RSF1: variants seen among roughly 807,000 people sequenced by gnomAD.
RSF1 encodes the protein HBV pX-associated protein 8.
A neutral mutation model predicts 145.2 loss-of-function variants in RSF1; 13 were observed. The observed-to-expected ratio is 0.09, with a 90% CI of 0.06 to 0.14. The LOEUF (loss-of-function observed/expected upper bound fraction) is 0.14, where lower values mean the gene tolerates loss of function less well. Ranked by LOEUF, RSF1 falls within the 10% of genes least tolerant of loss-of-function variation. The probability of loss-of-function intolerance (pLI) is 1.00; values close to 1 mark genes in which losing one functional copy is unlikely to be tolerated. For missense variants in RSF1, 1,517 were observed against 1,718.2 expected (o/e 0.88, Z 2.07); for synonymous variants, 577 against 592.6 (o/e 0.97, Z 0.38).
chr11:77,818,166 TTTAC>T (rs1243171899), intron 1 of RSF1, among the ~76,000 whole-genome samples: 1 of 152,206 alleles, frequency 6.6e-6, no homozygotes, highest in Non-Finnish European at 1.5e-5. Context: ...ACCTGTCATT[TTTAC>T]TTACTTAGTG....
intron 4 of RSF1, among the ~76,000 whole-genome samples, chr11:77,736,836 G>A (rs1590858770): frequency 6.6e-6 from 1 of 152,146 alleles, no homozygotes; most frequent in East Asian, 1.9e-4. Context: ...AGATCTTAGA[G>A]CCATACTATT....
the RSF1 span, among the ~76,000 whole-genome samples, chr11:77,846,658 A>G: frequency 6.6e-6 from 1 of 152,186 alleles, no homozygotes; most frequent in Non-Finnish European, 1.5e-5. Context: ...GTGAGCCAAG[A>G]TTGCGCCATT....
At chr11:77,826,940 A>C in the RSF1 span, among the ~76,000 whole-genome samples, 4 of 152,142 alleles carry the variant, frequency 2.6e-5, no homozygotes, top group African/African-American at 4.8e-5. Flanking sequence ...CACCATCTCT[A>C]CTAAAAATAC....
chr11:77,851,699 T>G, the RSF1 span, among the ~76,000 whole-genome samples: 2 of 152,236 alleles, frequency 1.3e-5, no homozygotes, highest in East Asian at 3.9e-4. Context: ...TGCTCCTGCT[T>G]TCATCATATG....
intron 1 of RSF1, among the ~76,000 whole-genome samples, chr11:77,810,570 G>A (rs574344020): frequency 3.6e-4 from 55 of 151,868 alleles, no homozygotes; most frequent in Middle Eastern, 3.4e-3. Flanking sequence ...TTATTTTTTG[G>A]GGGGGAGATG....
At chr11:77,750,313 G>A (rs1948048657) in intron 2 of RSF1, among the ~76,000 whole-genome samples, 1 of 152,184 alleles carries the variant, frequency 6.6e-6, no homozygotes, top group African/African-American at 2.4e-5. Context: ...ATAGGCCATA[G>A]AGTCTCTCTT....
the RSF1 span, among the ~76,000 whole-genome samples, chr11:77,859,547 T>C: frequency 6.6e-6 from 1 of 152,240 alleles, no homozygotes; most frequent in Admixed American, 6.5e-5. Context: ...CTAATTCTAG[T>C]GCCCGAGTGA....
intron 1 of RSF1, among the ~76,000 whole-genome samples, chr11:77,814,456 G>T (rs1948762778): frequency 6.6e-6 from 1 of 151,548 alleles, no homozygotes; most frequent in South Asian, 2.1e-4. Context: ...CTCTGGGGGG[G>T]AAAAAAAAGG....
At chr11:77,692,296 G>C (rs1402607292) in intron 8 of RSF1, among the ~76,000 whole-genome samples, 2 of 80,952 alleles carry the variant, frequency 2.5e-5, no homozygotes, top group African/African-American at 7.1e-5. Flanking sequence ...CCAGGCTGGA[G>C]TGCAGTGGCG....
At chr11:77,678,615 T>C (rs1285549170) in intron 11 of RSF1, among the ~76,000 whole-genome samples, 1 of 152,174 alleles carries the variant, frequency 6.6e-6, no homozygotes, top group Non-Finnish European at 1.5e-5. Flanking sequence ...CTCAAGGTGA[T>C]GGTATTAGGA....
At chr11:77,859,861 T>A in the RSF1 span, among the ~76,000 whole-genome samples, 1 of 152,236 alleles carries the variant, frequency 6.6e-6, no homozygotes, top group Non-Finnish European at 1.5e-5. Context: ...CTTCAAGTAA[T>A]ACAGCCTGAT....
At chr11:77,821,407 C>T (rs1355274445), upstream of RSF1, among the ~76,000 whole-genome samples, 1 of 151,850 alleles carries the variant, frequency 6.6e-6, no homozygotes. Context: ...GGGCTGGGAC[C>T]TCGGTAAGAT....
At chr11:77,766,908 T>C (rs191798225) in intron 1 of RSF1, among the ~76,000 whole-genome samples, 1 of 152,310 alleles carries the variant, frequency 6.6e-6, no homozygotes, top group African/African-American at 2.4e-5. Flanking sequence ...ATCCAGAAGA[T>C]AGAAGTAGCC....
At chr11:77,814,208 A>AAAG (rs34426054) in intron 1 of RSF1, among the ~76,000 whole-genome samples, 123,599 of 148,040 alleles carry the variant, frequency 0.83, 51,944 homozygotes, top group African/African-American at 0.94. Context: ...AAAAAAAAAA[A>AAAG]AAGTTTTGGC....
the RSF1 span, chr11:77,869,875 T>C: frequency 6.6e-7 from 1 of 1,524,658 alleles, no homozygotes; most frequent in Non-Finnish European, 9.1e-7. Flanking sequence ...TGGGCCTTTG[T>C]CTTACAGACT....
upstream of RSF1, among the ~76,000 whole-genome samples, chr11:77,825,172 C>A (rs1011986409): frequency 6.6e-6 from 1 of 151,848 alleles, no homozygotes; most frequent in Non-Finnish European, 1.5e-5. Flanking sequence ...TTGGTAGAGA[C>A]GGGGTTTCAC....
the RSF1 span, among the ~76,000 whole-genome samples, chr11:77,871,161 C>T: frequency 6.6e-6 from 1 of 152,150 alleles, no homozygotes; most frequent in Admixed American, 6.5e-5. Flanking sequence ...TAATTCCTAT[C>T]TGATAGGGTA....
chr11:77,661,591 CA>C lies in RSF1; in HGVS notation c.*5325del. On this transcript the variant is annotated 3_prime_UTR_variant, in exon 16 of 16. Transcript: ENST00000308488. ...GCAGGAGAATGAAAAAGACATGGCA[CA>C]AATTTTTAAACAATTTTAGGTTTAA... The C allele has an allele frequency of 6.6e-6, 1 of 151,920 alleles. No individual in the cohort carries two copies. Among genetic ancestry groups the C allele is most frequent in the Non-Finnish European group, 1.5e-5 (1 of 67,980 alleles). The allele number at this position is 151,920 out of a possible 1,614,324, so 9.4% of individuals were successfully genotyped here.
intron 2 of RSF1, among the ~76,000 whole-genome samples, chr11:77,750,116 A>G (rs948385051): frequency 3.3e-5 from 5 of 152,050 alleles, no homozygotes; most frequent in African/African-American, 1.2e-4. Flanking sequence ...AAAAAAATCC[A>G]CTAATTAGCT....
Sources: allele counts gnomAD v4.1 joint callset (sites outside exome capture counted in the v4.1 genomes callset), GRCh38; gene constraint gnomAD v4.1.1; transcripts MANE v1.5; gene names NCBI Gene and HGNC (gene_info 2026-07-23, HGNC 2026-07-21).